Variants in TMEM132C observed in about 807,000 individuals in gnomAD.
The protein encoded by TMEM132C is transmembrane protein 132C.
In TMEM132C, 29 loss-of-function variants were observed where a neutral mutation model predicts 61.4. That is an observed-to-expected ratio of 0.47 (90% confidence interval 0.35 to 0.64). The LOEUF (loss-of-function observed/expected upper bound fraction) is 0.64, where lower values mean the gene tolerates loss of function less well. Ranked by LOEUF, TMEM132C falls within the 30% of genes least tolerant of loss-of-function variation. TMEM132C has a pLI of 0.00. For missense variants in TMEM132C, 1,408 were observed against 1,476.9 expected (o/e 0.95, Z 0.76); for synonymous variants, 656 against 633.1 (o/e 1.04, Z -0.54).
Position 128,351,274 on chromosome 12 carries a change from T to C in TMEM132C, c.86-63458T>C, listed in dbSNP as rs74745614. Among the ~76,000 whole-genome samples the C allele has an allele frequency of 5.4e-3, 828 of 152,244 alleles. 10 individuals carry two copies. The highest frequency in any genetic ancestry group is 0.019 in the African/African-American group (789 of 41,540). On this transcript the variant is annotated intron_variant, in intron 1 of 8. Transcript: ENST00000435159. Reference sequence around the variant, plus strand: ...TCTGTGTACTATAAGGAGACTGGACTCCTAGGGGCTGAGAAGGGACATAGA... The same window carrying C: ...TCTGTGTACTATAAGGAGACTGGACCCCTAGGGGCTGAGAAGGGACATAGA...
intron 3 of TMEM132C, among the ~76,000 whole-genome samples, chr12:128,607,974 G>T (rs545606879): frequency 4.5e-4 from 69 of 152,244 alleles, no homozygotes; most frequent in African/African-American, 1.6e-3. Context: ...ACAGGGCCAG[G>T]TCTAGCTATA....
At chr12:128,609,637 TC>T (rs1450077186) in intron 3 of TMEM132C, among the ~76,000 whole-genome samples, 2 of 152,090 alleles carry the variant, frequency 1.3e-5, no homozygotes, top group African/African-American at 4.8e-5. Flanking sequence ...TCTTTGCTCC[TC>T]CCTGCTGCCT....
At chr12:128,276,894 G>GCACACACACA (rs71069547) in intron 1 of TMEM132C, among the ~76,000 whole-genome samples, 356 of 150,026 alleles carry the variant, frequency 2.4e-3, no homozygotes, top group Middle Eastern at 0.017. Context: ...GTGCGTGCAT[G>GCACACACACA]CACACACACA....
At chr12:128,371,789 G>C (rs760621460) in intron 1 of TMEM132C, among the ~76,000 whole-genome samples, 1 of 152,108 alleles carries the variant, frequency 6.6e-6, no homozygotes, top group South Asian at 2.1e-4. Context: ...GTGTTGCCCA[G>C]GTTGGTCTCA....
At chr12:128,442,638 A>T (rs578013478) in intron 2 of TMEM132C, among the ~76,000 whole-genome samples, 13 of 152,228 alleles carry the variant, frequency 8.5e-5, no homozygotes, top group Non-Finnish European at 1.8e-4. Context: ...GACAAATGCA[A>T]TTCACGATCC....
intron 2 of TMEM132C, among the ~76,000 whole-genome samples, chr12:128,417,765 G>A (rs1683725): frequency 0.91 from 138,354 of 152,288 alleles, 63,236 homozygotes; most frequent in East Asian, 1. Flanking sequence ...TTAAACACCC[G>A]TCAAACCTTC....
chr12:128,652,552 A>G (rs546306599), intron 4 of TMEM132C, among the ~76,000 whole-genome samples: 1 of 152,380 alleles, frequency 6.6e-6, no homozygotes, highest in South Asian at 2.1e-4. Context: ...CGGAGCCACA[A>G]GGAGCAGGAT....
At chr12:128,527,422 C>G (rs1041611472) in intron 2 of TMEM132C, among the ~76,000 whole-genome samples, 3 of 152,182 alleles carry the variant, frequency 2.0e-5, no homozygotes, top group Non-Finnish European at 2.9e-5. Context: ...TCAGCCTCAT[C>G]AAGTATTGAT....
intron 1 of TMEM132C, among the ~76,000 whole-genome samples, chr12:128,307,226 A>G (rs1871814315): frequency 1.3e-5 from 2 of 152,184 alleles, no homozygotes; most frequent in Non-Finnish European, 2.9e-5. Context: ...CTTAGACTGG[A>G]CATAATTGGG....
At chr12:128,694,538 C>G (rs1954743608) in intron 6 of TMEM132C, among the ~76,000 whole-genome samples, 1 of 152,134 alleles carries the variant, frequency 6.6e-6, no homozygotes, top group South Asian at 2.1e-4. Flanking sequence ...AGTATGGGGT[C>G]TTGTTTTCTC....
intron 3 of TMEM132C, among the ~76,000 whole-genome samples, chr12:128,588,536 C>T (rs1875634060): frequency 6.6e-6 from 1 of 152,118 alleles, no homozygotes; most frequent in Non-Finnish European, 1.5e-5. Context: ...TGGGAATCGC[C>T]ATGGGTTGCT....
chr12:128,496,606 T>G (rs1871970500), intron 2 of TMEM132C, among the ~76,000 whole-genome samples: 1 of 152,236 alleles, frequency 6.6e-6, no homozygotes. Context: ...CTGATACCCT[T>G]TCTTCCAGTT....
intron 2 of TMEM132C, among the ~76,000 whole-genome samples, chr12:128,450,243 T>G (rs1483856864): frequency 2.0e-5 from 3 of 152,050 alleles, no homozygotes; most frequent in Non-Finnish European, 4.4e-5. Context: ...AATTTAAGAG[T>G]CACTTGTGGC....
At chr12:128,356,802 G>A (rs1037183993) in intron 1 of TMEM132C, among the ~76,000 whole-genome samples, 2 of 152,254 alleles carry the variant, frequency 1.3e-5, no homozygotes, top group African/African-American at 4.8e-5. Flanking sequence ...TGGCCTTGCA[G>A]TGAGTCTTGT....
chr12:128,684,427 C>G (rs1030302509), intron 5 of TMEM132C, among the ~76,000 whole-genome samples: 1 of 152,188 alleles, frequency 6.6e-6, no homozygotes, highest in Non-Finnish European at 1.5e-5. Flanking sequence ...GAAAGTATGA[C>G]TTTCTCTGGT....
In TMEM132C at chr12:128,646,710, A is replaced by G. The variant is rs536739448; in HGVS notation, c.1306-22707A>G. Among the ~76,000 whole-genome samples, 251 of 149,356 alleles carry G rather than the reference A, an allele frequency of 1.7e-3. 1 individual carries two copies. Among genetic ancestry groups the G allele is most frequent in the African/African-American group, 6.0e-3 (241 of 40,240 alleles). On this transcript the variant is annotated intron_variant, in intron 4 of 8. Transcript: ENST00000435159. ...ATCGGCGTTGGATGTGAGTGTGTTT[A>G]GCTCAGTCCATCAGCGTTGGATTAG...
At chr12:128,321,146 ATAAT>A (rs1565900494) in intron 1 of TMEM132C, among the ~76,000 whole-genome samples, 24 of 142,628 alleles carry the variant, frequency 1.7e-4, no homozygotes, top group African/African-American at 3.8e-4. Context: ...AAAAATAATA[ATAAT>A]AATAATAATA....
Position 128,433,617 on chromosome 12 carries a change from G to T in TMEM132C, c.974+17997G>T, listed in dbSNP as rs1869473159. Among the ~76,000 whole-genome samples the T allele has an allele frequency of 4.6e-5, 7 of 152,338 alleles. 1 individual carries two copies. The South Asian group carries it at 1.5e-3, about 32-fold the overall frequency. ...TAAACTGGAGGTAAAATGAAAAAGA[G>T]TGTCAGACGGGACTTGGGAAAACTT... On this transcript the variant is annotated intron_variant, in intron 2 of 8. Transcript: ENST00000435159.
At chr12:128,466,043 CA>C (rs374265089) in intron 2 of TMEM132C, among the ~76,000 whole-genome samples, 1 of 151,876 alleles carries the variant, frequency 6.6e-6, no homozygotes, top group Middle Eastern at 3.4e-3. Flanking sequence ...AAATTAATGC[CA>C]AAAAAACCCA....
Sources: gnomAD v4.1 joint callset for allele counts (sites outside exome capture counted in the v4.1 genomes callset) on GRCh38, gnomAD v4.1.1 for gene constraint, MANE v1.5 for transcripts, NCBI Gene and HGNC (gene_info 2026-07-23, HGNC 2026-07-21) for gene names.